Variants in DPP6 observed in about 807,000 individuals in gnomAD.
DPP6 encodes A-type potassium channel modulatory protein DPP6.
A neutral mutation model predicts 122.6 loss-of-function variants in DPP6; 69 were observed. The observed-to-expected ratio is 0.56, with a 90% confidence interval of 0.46 to 0.69. The LOEUF (loss-of-function observed/expected upper bound fraction) is 0.69, where lower values mean the gene tolerates loss of function less well. DPP6 is among the 30% of genes least tolerant of loss of function. DPP6 has a pLI of 0.00. For synonymous variants in DPP6, 418 were observed against 433.1 expected (o/e 0.97, Z 0.43); for missense variants, 928 against 1,116.9 (o/e 0.83, Z 2.41).
At chr7:154,335,271 A>G (rs1585976876) in intron 1 of DPP6, among the ~76,000 whole-genome samples, 1 of 152,262 alleles carries the variant, frequency 6.6e-6, no homozygotes, top group Non-Finnish European at 1.5e-5. Context: ...GATGCTTCTC[A>G]CATCTCTTAC....
At chr7:153,969,088 A>G (rs1462077796) in intron 1 of DPP6, among the ~76,000 whole-genome samples, 1 of 150,580 alleles carries the variant, frequency 6.6e-6, no homozygotes, top group African/African-American at 2.5e-5. Flanking sequence ...TTGTGTGGAC[A>G]TGTTTTTGTT....
chr7:154,052,804 C>A lies in DPP6; in HGVS notation c.-17C>A, dbSNP rs1380172077. Reference sequence around the variant, plus strand: ...ATTAAAAAGCCCCAAAGACAGCCAGCAGGAGCGCGGTGCCCGATGGCTTCG... The same window carrying A: ...ATTAAAAAGCCCCAAAGACAGCCAGAAGGAGCGCGGTGCCCGATGGCTTCG... On this transcript the variant is annotated 5_prime_UTR_variant, in exon 1 of 26. Coordinates refer to ENST00000377770, the MANE Select transcript of DPP6 (RefSeq NM_130797.4). This position sits in a 1 kb window ranked among gnomAD's most constrained non-coding sequence, Gnocchi z 4.8. 5.3e-6 allele frequency: 8 copies of A among 1,510,140 alleles called. No homozygotes were observed. Among genetic ancestry groups the A allele is most frequent in the African/African-American group, 2.8e-5 (2 of 71,616 alleles). The allele number at this position is 1,510,140 out of a possible 1,614,324, so 93.5% of individuals were successfully genotyped here.
intron 1 of DPP6, among the ~76,000 whole-genome samples, chr7:154,166,943 C>T (rs1344817912): frequency 4.7e-5 from 7 of 147,528 alleles, no homozygotes; most frequent in Admixed American, 3.3e-4. Context: ...TGCAGTGAAC[C>T]GAGATCACAC....
the DPP6 span, among the ~76,000 whole-genome samples, chr7:153,849,750 A>G: frequency 1.6e-3 from 245 of 152,226 alleles, no homozygotes; most frequent in African/African-American, 5.5e-3. Flanking sequence ...TTCCTTGTGC[A>G]TTACATTGCT....
At position 154,893,497 on chromosome 7, in the gene DPP6, C is replaced by T. The variant is rs1400656705; in HGVS notation, c.*1017C>T. Reference sequence around the variant, plus strand: ...AAAAAAAAACAGAAAAAAGACAAAGCGTCAACTCCACCCACAGGCCCGCTG... The same window carrying T: ...AAAAAAAAACAGAAAAAAGACAAAGTGTCAACTCCACCCACAGGCCCGCTG... On this transcript the variant is annotated 3_prime_UTR_variant, in exon 26 of 26. Transcript: ENST00000377770. The T allele has an allele frequency of 7.2e-6, 1 of 139,366 alleles. No homozygotes were observed. Among genetic ancestry groups the T allele is most frequent in the Non-Finnish European group, 1.5e-5 (1 of 65,332 alleles). 8.6% of individuals were successfully genotyped at this position (139,366 alleles called of 1,614,324 possible).
At chr7:154,510,917 TACAC>T (rs1316437815) in intron 3 of DPP6, among the ~76,000 whole-genome samples, 1 of 131,046 alleles carries the variant, frequency 7.6e-6, no homozygotes, top group Admixed American at 8.4e-5. Flanking sequence ...ATGACTCTCT[TACAC>T]ATACACACAC....
chr7:154,804,908 T>C lies in DPP6; in HGVS notation c.1500-9T>C. On this transcript the variant is annotated splice_polypyrimidine_tract_variant and intron_variant, in intron 14 of 25. Coordinates refer to ENST00000377770, the MANE Select transcript of DPP6 (RefSeq NM_130797.4). ...AAACTAACCCTGTGCACCTTGGTGA[T>C]CTTTGCAGCTACTTCCTGAGCACGG... 6.2e-7 allele frequency: 1 copy of C among 1,600,532 alleles called. No homozygotes were observed. The highest frequency in any genetic ancestry group is 8.5e-7 in the Non-Finnish European group (1 of 1,173,196).
intron 5 of DPP6, among the ~76,000 whole-genome samples, chr7:154,619,168 C>A (rs1013016034): frequency 6.6e-6 from 1 of 152,144 alleles, no homozygotes; most frequent in Non-Finnish European, 1.5e-5. Context: ...GTAAATTACC[C>A]GGTCTCAGGT....
At chr7:154,287,515 T>G (rs1292636451) in intron 1 of DPP6, among the ~76,000 whole-genome samples, 1 of 152,170 alleles carries the variant, frequency 6.6e-6, no homozygotes, top group Non-Finnish European at 1.5e-5. Flanking sequence ...GTGGGCCCTG[T>G]TCTCTGTCAT....
intron 1 of DPP6, among the ~76,000 whole-genome samples, chr7:154,004,190 T>A (rs71530490): frequency 2.1e-4 from 32 of 152,262 alleles, no homozygotes; most frequent in African/African-American, 6.3e-4. Context: ...TGAGGTTAAG[T>A]TTGCTGAATG....
At chr7:154,311,778 T>G (rs868230056) in intron 1 of DPP6, among the ~76,000 whole-genome samples, 53 of 152,310 alleles carry the variant, frequency 3.5e-4, no homozygotes, top group African/African-American at 1.2e-3. Context: ...TAATCTCCAC[T>G]GGTACCCATG....
At chr7:154,236,067 G>A (rs192732436) in intron 1 of DPP6, among the ~76,000 whole-genome samples, 6 of 152,066 alleles carry the variant, frequency 3.9e-5, no homozygotes, top group Non-Finnish European at 8.8e-5. Flanking sequence ...TGGCCAGGCT[G>A]GTCTGGAATT....
chr7:154,155,141 G>T (rs1796617847), intron 1 of DPP6, among the ~76,000 whole-genome samples: 1 of 152,210 alleles, frequency 6.6e-6, no homozygotes, highest in African/African-American at 2.4e-5. Flanking sequence ...ACACCATGGA[G>T]CAGGGAAGGT....
chr7:154,520,403 A>G (rs1180243431), intron 3 of DPP6, among the ~76,000 whole-genome samples: 3 of 152,244 alleles, frequency 2.0e-5, no homozygotes, highest in Admixed American at 1.3e-4. Context: ...ATCATGCTCT[A>G]TCCCTTTCAG....
chr7:153,958,618 A>C (rs899414965), intron 1 of DPP6, among the ~76,000 whole-genome samples: 22 of 152,086 alleles, frequency 1.4e-4, no homozygotes, highest in African/African-American at 4.8e-4. Flanking sequence ...AGCCTGATTT[A>C]TTTTGTGAAA....
At chr7:153,820,271 T>C in the DPP6 span, among the ~76,000 whole-genome samples, 16 of 152,324 alleles carry the variant, frequency 1.1e-4, no homozygotes, top group Middle Eastern at 6.8e-3. Context: ...TACAAATGGG[T>C]AGCAAGAGAT....
chr7:154,449,879 A>G (rs1042830166), intron 2 of DPP6, among the ~76,000 whole-genome samples: 13 of 152,030 alleles, frequency 8.6e-5, no homozygotes, highest in Non-Finnish European at 1.9e-4. Context: ...GTGGTAACAC[A>G]TGCCTGTAGT....
At chr7:154,465,869 A>G (rs928921185) in intron 2 of DPP6, among the ~76,000 whole-genome samples, 3 of 152,236 alleles carry the variant, frequency 2.0e-5, no homozygotes, top group Non-Finnish European at 2.9e-5. Context: ...ATATACCCAA[A>G]GGGTTATAAA....
At chr7:153,922,226 T>C (rs961068240) in intron 1 of DPP6, among the ~76,000 whole-genome samples, 2 of 152,030 alleles carry the variant, frequency 1.3e-5, no homozygotes, top group African/African-American at 4.8e-5. Flanking sequence ...ATTGGCTGGG[T>C]GAGGTGGCTG....
Sources: gnomAD v4.1 joint callset for allele counts (sites outside exome capture counted in the v4.1 genomes callset) on GRCh38, gnomAD v4.1.1 for gene constraint, Gnocchi (gnomAD v3.1) non-coding constraint, MANE v1.5 for transcripts, NCBI Gene and HGNC (gene_info 2026-07-23, HGNC 2026-07-21) for gene names.